SRI: variants seen among roughly 807,000 people sequenced by gnomAD.
SRI encodes sorcin, also known as 22 kDa protein.
A neutral mutation model predicts 33.3 loss-of-function variants in SRI; 30 were observed. The observed-to-expected ratio is 0.90, with a 90% confidence interval of 0.67 to 1.22. SRI has a LOEUF of 1.22. Ranked by LOEUF, SRI falls within the 50% of genes most tolerant of loss-of-function variation. The pLI is 0.00. For missense variants in SRI, 243 were observed against 250.8 expected, an observed-to-expected ratio of 0.97 and a Z score of 0.21; for synonymous variants, 75 against 89.9, an observed-to-expected ratio of 0.83 and a Z score of 0.94.
At chr7:88,210,256 G>T in intron 4 of SRI, 126 bp from the exon 5 acceptor site, 1 of 1,149,716 alleles carries the variant, frequency 8.7e-7, no homozygotes, top group Non-Finnish European at 1.3e-6. Context: ...TTCTTGGTAT[G>T]ATGTAAAATT....
upstream of SRI, among the ~76,000 whole-genome samples, chr7:88,222,150 C>T (rs1292440529): frequency 5.5e-4 from 79 of 144,302 alleles, no homozygotes; most frequent in Non-Finnish European, 9.6e-4. Context: ...AATAAACATA[C>T]GTGTGCATGT....
intron 1 of SRI, among the ~76,000 whole-genome samples, chr7:88,226,185 T>G (rs1199358978): frequency 2.0e-5 from 3 of 152,182 alleles, no homozygotes; most frequent in Non-Finnish European, 4.4e-5. Flanking sequence ...TAAAAGCTAA[T>G]TTTTGCAACC....
At chr7:88,224,615 G>A (rs189649029), upstream of SRI, among the ~76,000 whole-genome samples, 1 of 152,252 alleles carries the variant, frequency 6.6e-6, no homozygotes, top group Admixed American at 6.5e-5. Flanking sequence ...AGATTGTTGG[G>A]AAAGAGTGTG....
intron 1 of SRI, 23 bp downstream of exon 1, chr7:88,219,953 G>A (rs1178666486): frequency 2.6e-6 from 4 of 1,538,470 alleles, no homozygotes; most frequent in Admixed American, 2.0e-5. Flanking sequence ...CCTGGGCCGC[G>A]ATCCCGCGCA....
chr7:88,217,695 TTAAAA>T (rs1450648458), intron 2 of SRI, among the ~76,000 whole-genome samples: 7 of 152,176 alleles, frequency 4.6e-5, no homozygotes, highest in Admixed American at 4.6e-4. Flanking sequence ...TTTAGGGACT[TTAAAA>T]TAAAATACCT....
chr7:88,214,329 G>T (rs890485682), intron 3 of SRI, among the ~76,000 whole-genome samples: 4 of 152,178 alleles, frequency 2.6e-5, no homozygotes, highest in African/African-American at 9.7e-5. Context: ...GAGAAAATAT[G>T]TTTGGTCAGG....
chr7:88,226,495 G>A (rs1471667256), intron 1 of SRI, among the ~76,000 whole-genome samples: 1 of 152,188 alleles, frequency 6.6e-6, no homozygotes, highest in African/African-American at 2.4e-5. Context: ...AATAAGCTGG[G>A]AGAGGAGGGA....
rs545248360 is a variant in SRI, at chr7:88,226,502, G to A, written c.6+407C>T. ...ATCTGTTCAATAAGCTGGGAGAGGA[G>A]GGAATTTGGGAAGAAAAATTCCCAA... On this transcript the variant is annotated intron_variant, in intron 1 of 7. Coordinates refer to the SRI transcript ENST00000394641. Among the ~76,000 whole-genome samples the A allele has an allele frequency of 9.9e-5, 15 of 152,246 alleles. No homozygotes were observed. The South Asian group carries it at 2.7e-3, about 27-fold the overall frequency.
At chr7:88,224,413 C>T (rs1187343722), upstream of SRI, among the ~76,000 whole-genome samples, 1 of 152,188 alleles carries the variant, frequency 6.6e-6, no homozygotes, top group Non-Finnish European at 1.5e-5. Context: ...TAGGTCTTCA[C>T]TTGTTAGGAA....
At chr7:88,210,289 G>T in intron 4 of SRI, 159 bp from the exon 5 acceptor site, 1 of 892,874 alleles carries the variant, frequency 1.1e-6, no homozygotes, top group South Asian at 1.5e-5. Context: ...ATAGAAAGGG[G>T]CTATGGAGAA....
chr7:88,212,962 T>C (rs529927990), intron 3 of SRI, among the ~76,000 whole-genome samples: 3 of 152,268 alleles, frequency 2.0e-5, no homozygotes, highest in East Asian at 1.9e-4. Flanking sequence ...CATGAAGGTA[T>C]TGAAGGGGCT....
intron 1 of SRI, 41 bp from the exon 2 acceptor site, chr7:88,218,983 AAGTTTTC>A: frequency 6.3e-7 from 1 of 1,585,394 alleles, no homozygotes; most frequent in East Asian, 2.2e-5. Flanking sequence ...CTGCCGAATC[AAGTTTTC>A]TTCTTTCACC....
Position 88,218,842 on chromosome 7 carries a change from T to G in SRI, c.135+17A>C, listed in dbSNP as rs747539890. The G allele has an allele frequency of 3.7e-6, 6 of 1,613,298 alleles. No homozygotes were observed. Among genetic ancestry groups the G allele is most frequent in the Non-Finnish European group, 5.1e-6 (6 of 1,179,340 alleles). On this transcript the variant is annotated intron_variant, in intron 2 of 7. Coordinates refer to ENST00000265729, the MANE Select transcript of SRI (RefSeq NM_003130.4). ...GCAGACAATAACGGCTCTTTAATAT[T>G]AAAGGGAAAAGCTAACCTGTCCAGC...
intron 3 of SRI, chr7:88,214,971 A>G (rs759312434): frequency 3.8e-6 from 2 of 522,886 alleles, no homozygotes; most frequent in South Asian, 1.5e-5. Flanking sequence ...CTGAATTACA[A>G]TCTTACTGAC....
intron 1 of SRI, among the ~76,000 whole-genome samples, chr7:88,226,277 T>A (rs1176299057): frequency 2.0e-5 from 3 of 152,164 alleles, no homozygotes; most frequent in Non-Finnish European, 4.4e-5. Flanking sequence ...TTCATTGTTC[T>A]CCTAAAGAGA....
Position 88,220,035 on chromosome 7 carries a change from C to T in SRI, c.-9G>A. 1 of 1,526,142 alleles carries T rather than the reference C, an allele frequency of 6.6e-7. No homozygotes were observed. The highest frequency in any genetic ancestry group is 2.0e-5 in the Admixed American group (1 of 50,392). The allele number at this position is 1,526,142 out of a possible 1,614,324, so 94.5% of individuals were successfully genotyped here. ...TGCCCCGGGTACGCCATGCTGCAGA[C>T]TGCGCCGCAGCCGCCCTCGCCCTGT... On this transcript the variant is annotated 5_prime_UTR_variant, in exon 1 of 8. Transcript: ENST00000265729.
chr7:88,211,302 A>G (rs1410438472), intron 3 of SRI, among the ~76,000 whole-genome samples: 2 of 152,172 alleles, frequency 1.3e-5, no homozygotes, highest in Non-Finnish European at 2.9e-5. Context: ...TAAAAATATA[A>G]AAATTAGCCA....
chr7:88,224,170 A>G (rs375661826), upstream of SRI, among the ~76,000 whole-genome samples: 27 of 152,258 alleles, frequency 1.8e-4, no homozygotes, highest in African/African-American at 6.5e-4. Flanking sequence ...AAGCTGTGAC[A>G]GTAGATAAAC....
chr7:88,208,482 G>GT, intron 7 of SRI, 25 bp downstream of exon 7: 2 of 1,613,034 alleles, frequency 1.2e-6, no homozygotes, highest in South Asian at 2.2e-5. Context: ...TTCATCTACT[G>GT]TATCTCTTAA....
Sources: allele counts gnomAD v4.1 joint callset (sites outside exome capture counted in the v4.1 genomes callset), GRCh38; gene constraint gnomAD v4.1.1; transcripts MANE v1.5; gene names NCBI Gene and HGNC (gene_info 2026-07-23, HGNC 2026-07-21).